Variants in PERM1 observed in about 807,000 individuals in gnomAD.
PERM1 encodes PGC-1 and ERR-induced regulator in muscle protein 1.
Under a neutral mutation model 44.1 loss-of-function variants are expected in PERM1, and 45 were observed. The observed-to-expected ratio is 1.02, with a 90% confidence interval of 0.80 to 1.31. PERM1 has a LOEUF of 1.31. Ranked by LOEUF, PERM1 falls within the 50% of genes most tolerant of loss-of-function variation. PERM1 has a pLI of 0.00. For missense variants in PERM1, 1,189 were observed against 1,106.9 expected (o/e 1.07, Z -1.05); for synonymous variants, 565 against 477.1 (o/e 1.18, Z -2.40).
At chr1:979,182 G>A (rs540568745) in exon 1 of PERM1, 5 of 1,550,106 alleles carry the variant, frequency 3.2e-6, no homozygotes, top group South Asian at 2.4e-5. Flanking sequence ...AGAAGAACTC[G>A]CACATGTCCG....
chr1:975,719 GC>G (rs1643575203), exon 3 of PERM1: 1 of 161,684 alleles, frequency 6.2e-6, no homozygotes, highest in East Asian at 1.9e-4. Context: ...CAGAGCTCCA[GC>G]CGGAGTGTCT....
At chr1:980,183 T>G in exon 1 of PERM1, 1 of 1,550,380 alleles carries the variant, frequency 6.5e-7, no homozygotes, top group South Asian at 1.2e-5. Flanking sequence ...TCCCAGACAG[T>G]CGTGGACACT....
chr1:980,688 G>C, exon 1 of PERM1: 1 of 1,425,432 alleles, frequency 7.0e-7, no homozygotes, highest in Non-Finnish European at 9.1e-7. Flanking sequence ...CGGGGCCGAG[G>C]GACGGTGGAG....
exon 1 of PERM1, chr1:979,816 G>A: frequency 6.5e-7 from 1 of 1,550,214 alleles, no homozygotes; most frequent in Non-Finnish European, 8.7e-7. Context: ...ATGTTTGGAG[G>A]CAGGTGTGGA....
chr1:979,952 C>T (rs771542003), exon 1 of PERM1: 92 of 1,549,946 alleles, frequency 5.9e-5, no homozygotes, highest in Non-Finnish European at 7.7e-5. Flanking sequence ...GGTATAGACA[C>T]AGCCATGTCC....
At chr1:981,454 G>A (rs6694632), upstream of PERM1, among the ~76,000 whole-genome samples, 79,899 of 152,068 alleles carry the variant, frequency 0.53, 22,326 homozygotes, top group East Asian at 0.82. Flanking sequence ...AGCTGTCTTT[G>A]CACGGCAAAG....
At chr1:980,470 G>A (rs1488273584) in exon 1 of PERM1, 2 of 1,526,136 alleles carry the variant, frequency 1.3e-6, no homozygotes, top group Non-Finnish European at 1.8e-6. Context: ...GGCACCCACA[G>A]CTCGCCTCTT....
upstream of PERM1, among the ~76,000 whole-genome samples, chr1:981,582 G>T (rs1220648709): frequency 2.6e-5 from 4 of 152,254 alleles, no homozygotes; most frequent in Non-Finnish European, 5.9e-5. Flanking sequence ...CCCAGCAGGT[G>T]CCCAGCCCTC....
chr1:979,826 A>C, exon 1 of PERM1: 1 of 1,549,802 alleles, frequency 6.5e-7, no homozygotes, highest in Non-Finnish European at 8.7e-7. Flanking sequence ...GCAGGTGTGG[A>C]CACAGCCACG....
At chr1:979,245 G>A (rs922738854) in exon 1 of PERM1, 32 of 1,549,968 alleles carry the variant, frequency 2.1e-5, no homozygotes, top group East Asian at 2.4e-5. Context: ...CAGCCTCTTC[G>A]TTCTCCTCGA....
Position 980,032 on chromosome 1 carries a change from G to GGT in PERM1, c.996_997dup (p.Pro333HisfsTer92). 6.5e-7 allele frequency: 1 copy of GGT among 1,549,086 alleles called. No homozygotes were observed. Among genetic ancestry groups the GGT allele is most frequent in the Non-Finnish European group, 8.7e-7 (1 of 1,146,762 alleles). ...CGTGTCAGGTTGCGGCTCAGAGGCAGGTGTAGACACAGCCATGTCCCTGTC... is the reference window on the plus strand; with the variant it reads ...CGTGTCAGGTTGCGGCTCAGAGGCAGGTGTGTAGACACAGCCATGTCCCTGTC... On this transcript the variant is annotated frameshift_variant, in exon 1 of 3. Coordinates refer to ENST00000433179, the Ensembl canonical transcript of PERM1. LOFTEE classifies it high-confidence loss of function.
At position 976,584 on chromosome 1, in the gene PERM1, C is replaced by G. The variant is rs374445170; in HGVS notation, c.2190G>C (p.Gln730His). 1.6e-5 allele frequency: 25 copies of G among 1,549,478 alleles called. No homozygotes were observed. In the African/African-American group the frequency reaches 2.3e-4, roughly 14 times the overall value. Reference sequence around the variant, plus strand: ...CTACAAACACCAGGCACATGTCATTCTGGCTGAAGGCAAATGATGGGACAG... The same window carrying G: ...CTACAAACACCAGGCACATGTCATTGTGGCTGAAGGCAAATGATGGGACAG... Residue 730 changes from glutamine (Q) to histidine (H), a missense_variant, in exon 2 of 3, where the codon CAG becomes CAC. Gln to His is a conservative substitution (Grantham distance 24). Transcript: ENST00000433179.
In PERM1 at chr1:976,276, G is replaced by A. The variant is rs1280914088; in HGVS notation, c.2276-7C>T. 2.0e-6 allele frequency: 3 copies of A among 1,508,508 alleles called. No individual in the cohort carries two copies. Among genetic ancestry groups the A allele is most frequent in the Middle Eastern group, 1.8e-4 (1 of 5,710 alleles). The allele number at this position is 1,508,508 out of a possible 1,614,324, so 93.4% of individuals were successfully genotyped here. Reference sequence around the variant, plus strand: ...CCGACGTTGGCCAGCAAGGCTGCAAGAGAAGCACAGGCTCTTCTGAGGGCC... The same window carrying A: ...CCGACGTTGGCCAGCAAGGCTGCAAAAGAAGCACAGGCTCTTCTGAGGGCC... On this transcript the variant is annotated splice_region_variant and splice_polypyrimidine_tract_variant and intron_variant, in intron 2 of 2. Transcript: ENST00000433179.
At chr1:982,011 G>C (rs1643800934), upstream of PERM1, 1 of 1,271,538 alleles carries the variant, frequency 7.9e-7, no homozygotes, top group African/African-American at 1.5e-5. Context: ...CTCTGTGGGG[G>C]TTGTTACCAT....
exon 1 of PERM1, chr1:980,650 G>A (rs570833625): frequency 7.0e-7 from 1 of 1,437,770 alleles, no homozygotes; most frequent in South Asian, 1.5e-5. Context: ...ACCAGGGCAG[G>A]ATGAGAACTG....
At chr1:979,209 C>T (rs759674631) in exon 1 of PERM1, 17 of 1,550,118 alleles carry the variant, frequency 1.1e-5, no homozygotes, top group Admixed American at 9.8e-5. Context: ...GGACGCCTGC[C>T]GGATCCTGAC....
chr1:981,079 C>A (rs1643783212), upstream of PERM1: 7 of 1,547,208 alleles, frequency 4.5e-6, no homozygotes, highest in Non-Finnish European at 6.1e-6. Context: ...CCGGTGGGGT[C>A]TTCATGGGTT....
exon 3 of PERM1, chr1:976,112 C>T: frequency 2.0e-6 from 3 of 1,505,814 alleles, no homozygotes; most frequent in Non-Finnish European, 2.7e-6. Context: ...GCACCTCGTC[C>T]TGCCCTGGGC....
chr1:979,188 G>A (rs997907988), exon 1 of PERM1: 112 of 1,549,970 alleles, frequency 7.2e-5, no homozygotes, highest in Non-Finnish European at 9.3e-5. Context: ...ACTCGCACAT[G>A]TCCGGCCACT....
Sources: allele counts gnomAD v4.1 joint callset (sites outside exome capture counted in the v4.1 genomes callset), GRCh38; gene constraint gnomAD v4.1.1; transcripts MANE v1.5; gene names NCBI Gene and HGNC (gene_info 2026-07-23, HGNC 2026-07-21).